The following MLIP variants were observed in gnomAD, a reference collection of about 807,000 sequenced individuals.
MLIP encodes the protein muscular LMNA interacting protein.
MLIP carries 79 observed loss-of-function variants against 84.8 expected under a neutral mutation model. The ratio of observed to expected loss-of-function variants is 0.93; its 90% CI spans 0.78 to 1.12. The LOEUF is 1.12. MLIP is among the 50% of genes most tolerant of loss of function. MLIP has a pLI of 0.00. For synonymous variants in MLIP, 504 were observed against 463.0 expected (o/e 1.09, Z -1.14); for missense variants, 1,257 against 1,160.6 (o/e 1.08, Z -1.21).
chr6:54,253,511 G>A (rs1364321947), intron 12 of MLIP, among the ~76,000 whole-genome samples: 2 of 152,142 alleles, frequency 1.3e-5, no homozygotes, highest in Non-Finnish European at 2.9e-5. Context: ...CAAAAAGAGA[G>A]AACTGTTTCA....
At chr6:54,112,973 G>A (rs556493356) in intron 1 of MLIP, among the ~76,000 whole-genome samples, 2 of 152,226 alleles carry the variant, frequency 1.3e-5, no homozygotes, top group African/African-American at 4.8e-5. Context: ...TTGTATCTTA[G>A]ATACTTAAGT....
At chr6:54,257,416 A>G (rs937729965) in intron 13 of MLIP, 55 bp downstream of exon 13, 2 of 1,308,312 alleles carry the variant, frequency 1.5e-6, no homozygotes, top group East Asian at 4.6e-5. Flanking sequence ...TGATTATAGA[A>G]ATAAACCAAT....
rs770558685 is a variant in MLIP, at chr6:54,137,585, C to T, written c.1516C>T (p.Pro506Ser). The T allele has an allele frequency of 1.3e-6, 2 of 1,536,122 alleles. No homozygotes were observed. Among genetic ancestry groups the T allele is most frequent in the Non-Finnish European group, 1.7e-6 (2 of 1,146,900 alleles). ...CAAGTCTACTCCGCTTTCTCAGGCG[C>T]CCTCCCTCTCTCCTACAAAACAGGC... ...FTKSTPLSQA[P>S]SLSPTKQASS... The change falls in exon 4 of 14, where the codon CCC (proline) becomes TCC (serine). Residue 506 changes from proline (P) to serine (S), a missense_variant. Transcript: ENST00000502396.
chr6:54,101,153 T>C (rs1768614291), intron 1 of MLIP, among the ~76,000 whole-genome samples: 1 of 152,022 alleles, frequency 6.6e-6, no homozygotes, highest in African/African-American at 2.4e-5. Context: ...AGTCACAGGG[T>C]TTGTAAAAAT....
At chr6:54,049,441 G>T (rs1253685461) in intron 1 of MLIP, among the ~76,000 whole-genome samples, 1 of 152,146 alleles carries the variant, frequency 6.6e-6, no homozygotes, top group Non-Finnish European at 1.5e-5. Context: ...TCGTTATGAA[G>T]CTGCAGAAAT....
chr6:54,081,223 A>T (rs915785674), intron 1 of MLIP, among the ~76,000 whole-genome samples: 3 of 151,816 alleles, frequency 2.0e-5, no homozygotes, highest in Non-Finnish European at 4.4e-5. Flanking sequence ...TACCTTCACA[A>T]CCCTAAAATA....
chr6:54,149,457 T>C (rs539226661), intron 5 of MLIP, among the ~76,000 whole-genome samples: 1 of 152,288 alleles, frequency 6.6e-6, no homozygotes, highest in East Asian at 1.9e-4. Flanking sequence ...TCAAGAACTT[T>C]CATATCTGTC....
intron 1 of MLIP, among the ~76,000 whole-genome samples, chr6:54,085,788 C>T (rs964115396): frequency 2.0e-5 from 3 of 152,192 alleles, no homozygotes; most frequent in African/African-American, 7.2e-5. Context: ...CATTTTCCTA[C>T]ATGAATAGTT....
chr6:54,062,735 AT>A (rs112604366), intron 1 of MLIP, among the ~76,000 whole-genome samples: 7,450 of 152,272 alleles, frequency 0.049, 572 homozygotes, highest in African/African-American at 0.17. Context: ...ATTTTTTAAA[AT>A]AAAGGAAATT....
chr6:54,046,836 A>G (rs535005361), intron 1 of MLIP: 4 of 152,318 alleles, frequency 2.6e-5, no homozygotes, highest in Non-Finnish European at 5.9e-5. Flanking sequence ...AGACCTTGCA[A>G]ATTAACTAAA....
chr6:54,137,987 G>A lies in MLIP; in HGVS notation c.1918G>A (p.Ala640Thr), dbSNP rs756429511. The A allele has an allele frequency of 2.6e-6, 4 of 1,536,044 alleles. No individual in the cohort carries two copies. The highest frequency in any genetic ancestry group is 2.0e-5 in the Admixed American group (1 of 50,986). ...ATCTGGCCAGGAGCTGAATCCTTCA[G>A]CTCTTCCTTCACTCCCTGTCTCCAG... ...QLSGQELNPS[A>T]LPSLPVSSAD... is the part of the protein sequence containing the mutation. Residue 640 changes from alanine (A) to threonine (T), a missense_variant, in exon 4 of 14, where the codon GCT becomes ACT. By Grantham distance (58) the Ala-to-Thr change is moderately conservative. Coordinates refer to ENST00000502396, the MANE Select transcript of MLIP (RefSeq NM_001281747.2).
chr6:54,075,612 C>T (rs928372309), intron 1 of MLIP, among the ~76,000 whole-genome samples: 1 of 152,134 alleles, frequency 6.6e-6, no homozygotes. Context: ...GTCATATATG[C>T]TTCCAGACTG....
chr6:54,258,648 T>C (rs968216201), intron 13 of MLIP, among the ~76,000 whole-genome samples: 1 of 152,064 alleles, frequency 6.6e-6, no homozygotes. Flanking sequence ...TTGAGAATTA[T>C]TATAATTCCC....
chr6:54,145,425 A>G (rs570056858), intron 4 of MLIP, among the ~76,000 whole-genome samples: 196 of 152,178 alleles, frequency 1.3e-3, no homozygotes, highest in African/African-American at 4.7e-3. Flanking sequence ...ACTGAAAAGG[A>G]AAGGGTATGT....
At chr6:54,195,698 C>T (rs1284762284) in intron 10 of MLIP, among the ~76,000 whole-genome samples, 1 of 152,038 alleles carries the variant, frequency 6.6e-6, no homozygotes, top group Non-Finnish European at 1.5e-5. Context: ...TGTCTTATAG[C>T]CCATTAAAAC....
chr6:54,177,892 C>T lies in MLIP; in HGVS notation c.2544+8320C>T, dbSNP rs186236137. ...TAAAGGAAAAAGATCATGTCTTTTG[C>T]GGGAACATGGATGGAGCTGGAAGCC... is the stretch of plus-strand genomic sequence containing the variant. On this transcript the variant is annotated intron_variant, in intron 9 of 13. Transcript: ENST00000502396. Among the ~76,000 whole-genome samples the T allele has an allele frequency of 1.9e-3, 291 of 152,132 alleles. 1 individual carries two copies. The highest frequency in any genetic ancestry group is 0.017 in the Admixed American group (255 of 15,262).
intron 1 of MLIP, among the ~76,000 whole-genome samples, chr6:54,024,405 G>A (rs1372268411): frequency 3.3e-5 from 5 of 152,134 alleles, no homozygotes; most frequent in Non-Finnish European, 5.9e-5. Context: ...CATGAGATTC[G>A]TGCTTGGTTC....
At chr6:54,082,557 T>C (rs1350585021) in intron 1 of MLIP, among the ~76,000 whole-genome samples, 5 of 152,214 alleles carry the variant, frequency 3.3e-5, no homozygotes, top group Non-Finnish European at 7.3e-5. Context: ...AGACGATGTA[T>C]CCATATTCAC....
At chr6:54,108,997 T>C (rs1384486465), upstream of MLIP, among the ~76,000 whole-genome samples, 1 of 151,720 alleles carries the variant, frequency 6.6e-6, no homozygotes, top group Non-Finnish European at 1.5e-5. Context: ...CTAAGATGTA[T>C]TGATACTACC....
Sources: gnomAD v4.1 joint callset for allele counts (sites outside exome capture counted in the v4.1 genomes callset) on GRCh38, gnomAD v4.1.1 for gene constraint, MANE v1.5 for transcripts, NCBI Gene and HGNC (gene_info 2026-07-23, HGNC 2026-07-21) for gene names.